Variants in NUBPL observed in about 807,000 individuals in gnomAD.
NUBPL encodes NUBP iron-sulfur cluster assembly factor, mitochondrial.
A neutral mutation model predicts 45.7 loss-of-function variants in NUBPL; 31 were observed. The ratio of observed to expected loss-of-function variants is 0.68; its 90% CI spans 0.51 to 0.92. The LOEUF (loss-of-function observed/expected upper bound fraction) is 0.92, where lower values mean the gene tolerates loss of function less well. NUBPL is among the 40% of genes least tolerant of loss of function. The probability of loss-of-function intolerance (pLI) is 0.00; values close to 1 mark genes in which losing one functional copy is unlikely to be tolerated. For synonymous variants in NUBPL, 144 were observed against 140.9 expected (o/e 1.02, Z -0.15); for missense variants, 401 against 398.7 (o/e 1.01, Z -0.05).
intron 6 of NUBPL, among the ~76,000 whole-genome samples, chr14:31,710,695 G>C (rs1307752965): frequency 6.6e-6 from 1 of 152,178 alleles, no homozygotes; most frequent in African/African-American, 2.4e-5. Context: ...GCCATACCCT[G>C]ATGGAGGGAA....
rs575732560 is a variant in NUBPL, at chr14:31,860,678, C to T, written c.*1498C>T. ...TCACATTATTATAAGCATGTTTTCA[C>T]ACAAAAACATGTACATTGATGTTTA... On this transcript the variant is annotated 3_prime_UTR_variant, in exon 11 of 11. Transcript: ENST00000281081. The T allele has an allele frequency of 6.6e-6, 1 of 152,246 alleles. No homozygotes were observed. The highest frequency in any genetic ancestry group is 6.5e-5 in the Admixed American group (1 of 15,286). 9.4% of individuals were successfully genotyped at this position (152,246 alleles called of 1,614,324 possible).
intron 6 of NUBPL, among the ~76,000 whole-genome samples, chr14:31,751,021 C>T (rs2038514916): frequency 6.6e-6 from 1 of 151,974 alleles, no homozygotes; most frequent in African/African-American, 2.4e-5. Flanking sequence ...ACTTTTAAAC[C>T]ATCAGATTTC....
In NUBPL at chr14:31,762,674, C is replaced by G. The variant is rs1488480221; in HGVS notation, c.514-25106C>G. Among the ~76,000 whole-genome samples, 3 of 152,150 alleles carry G rather than the reference C, an allele frequency of 2.0e-5. No homozygotes were observed. In the East Asian group the frequency reaches 5.8e-4, roughly 29 times the overall value. ...AATTGTTTGGCAATTTAAATGCATC[C>G]AGATCCAGTTTTTGGGAAATTGTTG... On this transcript the variant is annotated intron_variant, in intron 6 of 10. Coordinates refer to ENST00000281081, the MANE Select transcript of NUBPL (RefSeq NM_025152.3).
At chr14:31,777,127 G>A (rs2039110535) in intron 6 of NUBPL, among the ~76,000 whole-genome samples, 1 of 152,220 alleles carries the variant, frequency 6.6e-6, no homozygotes, top group South Asian at 2.1e-4. Flanking sequence ...AGATTAAAAT[G>A]TGTGAGTTTT....
At chr14:31,704,067 C>A (rs1194623278) in intron 6 of NUBPL, among the ~76,000 whole-genome samples, 1 of 152,164 alleles carries the variant, frequency 6.6e-6, no homozygotes, top group African/African-American at 2.4e-5. Context: ...GACCACAAAT[C>A]TTTGAGGAAA....
Position 31,787,866 on chromosome 14 carries a change from T to A in NUBPL, c.600T>A (p.Pro200=). 6.2e-7 allele frequency: 1 copy of A among 1,602,422 alleles called. No homozygotes were observed. The highest frequency in any genetic ancestry group is 1.3e-5 in the African/African-American group (1 of 74,838). ...AGTTATCAGTCTCACAGAATATTCCTATAACAGGTAAATCTTCAAAGTTTA... is the reference window on the plus strand; with the variant it reads ...AGTTATCAGTCTCACAGAATATTCCAATAACAGGTAAATCTTCAAAGTTTA... ...DVQLSVSQNI[P]ITGAVIVSTP... The change falls in exon 7 of 11, where the codon CCT becomes CCA. Residue 200 remains proline, a synonymous_variant. Transcript: ENST00000281081.
At chr14:31,587,625 A>T (rs2034028323) in intron 3 of NUBPL, among the ~76,000 whole-genome samples, 1 of 152,220 alleles carries the variant, frequency 6.6e-6, no homozygotes, top group Admixed American at 6.5e-5. Flanking sequence ...GCTATAACAT[A>T]TGAGTCTTAA....
At chr14:31,676,827 T>C (rs914373644) in intron 6 of NUBPL, among the ~76,000 whole-genome samples, 2 of 151,842 alleles carry the variant, frequency 1.3e-5, no homozygotes, top group East Asian at 3.8e-4. Flanking sequence ...ATTTTGGCCA[T>C]GAGTCCATTG....
chr14:31,850,391 T>C (rs2040520251), intron 10 of NUBPL, among the ~76,000 whole-genome samples, 190 bp downstream of exon 10: 1 of 152,168 alleles, frequency 6.6e-6, no homozygotes, highest in Non-Finnish European at 1.5e-5. Context: ...CTCTAAATTA[T>C]CATCTAAACA....
intron 1 of NUBPL, 177 bp from the exon 2 acceptor site, chr14:31,561,891 C>G (rs2033292444): frequency 3.0e-6 from 2 of 659,252 alleles, no homozygotes; most frequent in South Asian, 2.0e-5. Context: ...TCAATTTAAG[C>G]AATGTGTCTT....
intron 4 of NUBPL, among the ~76,000 whole-genome samples, chr14:31,631,260 C>T (rs2035334968): frequency 6.6e-6 from 1 of 152,018 alleles, no homozygotes; most frequent in Non-Finnish European, 1.5e-5. Flanking sequence ...GGGGGCTACT[C>T]AGGGGTTAAG....
chr14:31,647,887 C>T (rs990218592), intron 4 of NUBPL, among the ~76,000 whole-genome samples: 16 of 152,146 alleles, frequency 1.1e-4, no homozygotes, highest in African/African-American at 2.2e-4. Context: ...GGCCTTACCA[C>T]GATATCTGGT....
chr14:31,755,259 C>A (rs377292650), intron 6 of NUBPL, among the ~76,000 whole-genome samples: 1 of 152,000 alleles, frequency 6.6e-6, no homozygotes, highest in Non-Finnish European at 1.5e-5. Context: ...TTCTAGATCC[C>A]TGAGGAATCG....
intron 4 of NUBPL, among the ~76,000 whole-genome samples, chr14:31,602,393 AG>A (rs1566440396): frequency 4.4e-3 from 5 of 1,148 alleles, no homozygotes; most frequent in Admixed American, 0.016. Flanking sequence ...GTATAATAAT[AG>A]AAAAAAAAAA....
At chr14:31,801,858 G>A (rs1460097390) in intron 7 of NUBPL, among the ~76,000 whole-genome samples, 2 of 152,198 alleles carry the variant, frequency 1.3e-5, no homozygotes, top group Non-Finnish European at 2.9e-5. Context: ...GACAGTCCTA[G>A]TGTAAATCCT....
chr14:31,577,713 C>T (rs915365130), intron 3 of NUBPL, among the ~76,000 whole-genome samples: 3 of 152,174 alleles, frequency 2.0e-5, no homozygotes, highest in African/African-American at 4.8e-5. Context: ...CACCTGGCTG[C>T]TTGGCTTAGT....
At chr14:31,741,588 G>C (rs1018493306) in intron 6 of NUBPL, among the ~76,000 whole-genome samples, 1 of 152,156 alleles carries the variant, frequency 6.6e-6, no homozygotes, top group Non-Finnish European at 1.5e-5. Context: ...CATTCACCGT[G>C]AGAACCTGGC....
intron 6 of NUBPL, among the ~76,000 whole-genome samples, chr14:31,757,499 G>A (rs546371642): frequency 8.5e-5 from 13 of 152,134 alleles, no homozygotes; most frequent in African/African-American, 3.1e-4. Context: ...AGAGGTGTTT[G>A]TAGTATTCTC....
intron 6 of NUBPL, among the ~76,000 whole-genome samples, chr14:31,709,371 G>C (rs1460399276): frequency 1.3e-5 from 2 of 152,170 alleles, no homozygotes; most frequent in African/African-American, 4.8e-5. Context: ...AGTCCTTCTA[G>C]AACACAGGTC....
Sources: allele counts gnomAD v4.1 joint callset (sites outside exome capture counted in the v4.1 genomes callset), GRCh38; gene constraint gnomAD v4.1.1; transcripts MANE v1.5; gene names NCBI Gene and HGNC (gene_info 2026-07-23, HGNC 2026-07-21).